TUBD1: variants seen among roughly 807,000 people sequenced by gnomAD.
The protein encoded by TUBD1 is tubulin delta chain.
A neutral mutation model predicts 51.2 loss-of-function variants in TUBD1; 38 were observed. That is an observed-to-expected ratio of 0.74 (90% CI 0.57 to 0.97). The LOEUF (loss-of-function observed/expected upper bound fraction) is 0.97. TUBD1 is among the 50% of genes least tolerant of loss of function. The pLI is 0.00. For missense variants in TUBD1, 489 were observed against 538.4 expected (o/e 0.91, Z 0.91); for synonymous variants, 169 against 178.2 (o/e 0.95, Z 0.41).
chr17:59,889,985 A>G lies in TUBD1; in HGVS notation c.172+846T>C, dbSNP rs978216696. On this transcript the variant is annotated intron_variant, in intron 2 of 8. Coordinates refer to ENST00000325752, the MANE Select transcript of TUBD1 (RefSeq NM_016261.4). ...ACTCTCTCAAAAAAAAAAAAAAAAA[A>G]AAGAGAGACAGAGAAAAGAAAGAGC... Among the ~76,000 whole-genome samples the G allele has an allele frequency of 4.0e-3, 599 of 150,868 alleles. 6 individuals are homozygous for G. Among genetic ancestry groups the G allele is most frequent in the African/African-American group, 0.013 (547 of 41,036 alleles).
At chr17:59,886,271 A>G in intron 2 of TUBD1, 41 bp from the exon 3 acceptor site, 1 of 1,585,826 alleles carries the variant, frequency 6.3e-7, no homozygotes, top group Non-Finnish European at 8.6e-7. Flanking sequence ...AAAGAAAAAA[A>G]GATTTATTAT....
At chr17:59,872,721 T>TCC (rs2040046572) in intron 6 of TUBD1, among the ~76,000 whole-genome samples, 1 of 149,752 alleles carries the variant, frequency 6.7e-6, no homozygotes, top group African/African-American at 2.5e-5. Flanking sequence ...TGTGTGTGTG[T>TCC]GTGTGTGTCT....
chr17:59,866,634 C>T lies in TUBD1; in HGVS notation c.1050G>A (p.Gly350=). The change falls in exon 7 of 9, where the codon GGG becomes GGA. Residue 350 remains glycine (G), a synonymous_variant. Transcript: ENST00000325752. ...CCACATCTGCACTTTGCACATCTTT[C>T]CCACGAAGAATGACCAAGTTAGCAA... ...TSIANLVILR[G]KDVQSADVEG... is the part of the protein sequence containing the mutation. 6.2e-7 allele frequency: 1 copy of T among 1,613,890 alleles called. No individual in the cohort carries two copies. The highest frequency in any genetic ancestry group is 8.5e-7 in the Non-Finnish European group (1 of 1,179,944).
intron 3 of TUBD1, among the ~76,000 whole-genome samples, chr17:59,882,203 A>T (rs533475708): frequency 6.6e-6 from 1 of 151,838 alleles, no homozygotes; most frequent in African/African-American, 2.4e-5. Context: ...TGAGCCACTG[A>T]GCCCAGTGAG....
chr17:59,868,261 G>A (rs2039805249), intron 6 of TUBD1, among the ~76,000 whole-genome samples: 1 of 125,666 alleles, frequency 8.0e-6, no homozygotes, highest in Admixed American at 9.4e-5. Context: ...TCCACCCTGG[G>A]CAACAGAGCA....
At chr17:59,873,816 G>A (rs1372605244) in intron 6 of TUBD1, among the ~76,000 whole-genome samples, 1 of 152,028 alleles carries the variant, frequency 6.6e-6, no homozygotes, top group South Asian at 2.1e-4. Flanking sequence ...AGTGAGCCGA[G>A]ATCGCGCCAC....
intron 4 of TUBD1, among the ~76,000 whole-genome samples, chr17:59,878,937 AT>A (rs2040353170): frequency 6.6e-6 from 1 of 152,112 alleles, no homozygotes; most frequent in Non-Finnish European, 1.5e-5. Flanking sequence ...GTCTCACCTG[AT>A]TTGTTTCTTC....
chr17:59,877,970 G>A, intron 5 of TUBD1, 133 bp downstream of exon 5: 1 of 691,586 alleles, frequency 1.4e-6, no homozygotes, highest in South Asian at 1.9e-5. Flanking sequence ...AGAACTAGCA[G>A]ATGTGAAGAA....
intron 4 of TUBD1, chr17:59,878,595 T>C: frequency 2.9e-6 from 1 of 344,730 alleles, no homozygotes; most frequent in Non-Finnish European, 5.4e-6. Flanking sequence ...GATTCTTGTG[T>C]CTCAGCCCCG....
intron 6 of TUBD1, among the ~76,000 whole-genome samples, chr17:59,872,770 T>A (rs986113780): frequency 2.1e-5 from 3 of 142,994 alleles, no homozygotes; most frequent in African/African-American, 5.1e-5. Flanking sequence ...CAATTCTCAA[T>A]TTTTTTTTTT....
intron 5 of TUBD1, among the ~76,000 whole-genome samples, chr17:59,875,916 A>G (rs2040204583): frequency 6.6e-6 from 1 of 152,148 alleles, no homozygotes. Flanking sequence ...TTTATAGAAA[A>G]TACCTTGAGG....
In TUBD1 at chr17:59,878,310, T is replaced by TG; in HGVS notation, c.561dup (p.Ile188HisfsTer18). The stretch of plus-strand genomic sequence containing the variant: ...CGGTACAAGTGAGAAAGTGTCAAAA[T>TG]GGAGTTGTAGTTTTGAACAATAACC... On this transcript the variant is annotated frameshift_variant, in exon 5 of 9. Transcript: ENST00000325752. LOFTEE classifies it high-confidence loss of function. 1 of 1,613,606 alleles carries TG rather than the reference T, an allele frequency of 6.2e-7. No individual in the cohort carries two copies. The highest frequency in any genetic ancestry group is 8.5e-7 in the Non-Finnish European group (1 of 1,179,662).
intron 2 of TUBD1, among the ~76,000 whole-genome samples, chr17:59,888,409 G>A (rs2040833053): frequency 6.6e-6 from 1 of 152,170 alleles, no homozygotes. Context: ...TATATAGGAG[G>A]TCAAATAAGC....
intron 7 of TUBD1, among the ~76,000 whole-genome samples, chr17:59,866,228 ATTCT>A (rs748742204): frequency 6.8e-6 from 1 of 146,390 alleles, no homozygotes; most frequent in Non-Finnish European, 1.5e-5. Flanking sequence ...TCAGAAAACA[ATTCT>A]TTTTTTTTTT....
Position 59,868,610 on chromosome 17 carries a change from G to A in TUBD1, c.935-1861C>T, listed in dbSNP as rs187615656. On this transcript the variant is annotated intron_variant, in intron 6 of 8. Coordinates refer to ENST00000325752, the MANE Select transcript of TUBD1 (RefSeq NM_016261.4). ...ATCCCAGCACTTTGCGAGGCAGAGG[G>A]GGGGGATCACGAGTTCAAGAGATCG... 2.0e-5 allele frequency among the ~76,000 whole-genome samples: 3 copies of A among 152,064 alleles called. No homozygotes were observed. The East Asian group carries it at 5.8e-4, about 29-fold the overall frequency.
At chr17:59,879,129 A>G (rs563035559) in intron 4 of TUBD1, among the ~76,000 whole-genome samples, 1 of 152,170 alleles carries the variant, frequency 6.6e-6, no homozygotes, top group South Asian at 2.1e-4. Flanking sequence ...ATACAAAATT[A>G]GCCGAGCGCA....
intron 6 of TUBD1, among the ~76,000 whole-genome samples, chr17:59,872,921 G>A (rs1382853118): frequency 2.6e-5 from 4 of 151,830 alleles, no homozygotes; most frequent in African/African-American, 4.8e-5. Context: ...CACCACGCCC[G>A]GCTAATTTTT....
At chr17:59,862,099 G>A (rs1013363303) in intron 8 of TUBD1, among the ~76,000 whole-genome samples, 19 of 151,104 alleles carry the variant, frequency 1.3e-4, no homozygotes, top group Admixed American at 8.5e-4. Flanking sequence ...CAAGGTGGGC[G>A]GATCACCTGA....
At chr17:59,874,452 A>G in intron 6 of TUBD1, 87 bp downstream of exon 6, 1 of 1,355,306 alleles carries the variant, frequency 7.4e-7, no homozygotes, top group Non-Finnish European at 1.0e-6. Context: ...ACCATTATTT[A>G]AACTGGTCCA....
Sources: allele counts gnomAD v4.1 joint callset (sites outside exome capture counted in the v4.1 genomes callset), GRCh38; gene constraint gnomAD v4.1.1; transcripts MANE v1.5; gene names NCBI Gene and HGNC (gene_info 2026-07-23, HGNC 2026-07-21).